The following EYA1 variants were observed in gnomAD, a reference collection of about 807,000 sequenced individuals.
EYA1 encodes protein phosphatase EYA1.
Under a neutral mutation model 82.0 loss-of-function variants are expected in EYA1, and 16 were observed. The ratio of observed to expected loss-of-function variants is 0.20; its 90% CI spans 0.13 to 0.30. EYA1 has a LOEUF of 0.30. Among genes scored for constraint, EYA1 ranks in the 10% least tolerant of loss-of-function variants. The probability of loss-of-function intolerance (pLI) is 1.00; values close to 1 mark genes in which losing one functional copy is unlikely to be tolerated. For missense variants in EYA1, 633 were observed against 730.7 expected, an observed-to-expected ratio of 0.87 and a Z score of 1.54; for synonymous variants, 261 against 264.4, an observed-to-expected ratio of 0.99 and a Z score of 0.12.
chr8:71,466,459 A>G (rs898159233), intron 2 of EYA1, among the ~76,000 whole-genome samples: 6 of 152,202 alleles, frequency 3.9e-5, no homozygotes, highest in Non-Finnish European at 8.8e-5. Context: ...AGTATTGTGC[A>G]TGCATATAGT....
chr8:71,508,056 C>T (rs1481805384), intron 2 of EYA1, among the ~76,000 whole-genome samples: 1 of 152,176 alleles, frequency 6.6e-6, no homozygotes, highest in Admixed American at 6.5e-5. Flanking sequence ...GGAAAAGTGC[C>T]TTCTGCTTAA....
intron 6 of EYA1, among the ~76,000 whole-genome samples, chr8:71,321,338 C>T (rs934340229): frequency 6.6e-6 from 1 of 152,138 alleles, no homozygotes; most frequent in Non-Finnish European, 1.5e-5. Context: ...TCTACTTGTA[C>T]GTTCCTAATC....
intron 9 of EYA1, among the ~76,000 whole-genome samples, chr8:71,298,599 G>A (rs1349922147): frequency 6.6e-6 from 1 of 152,128 alleles, no homozygotes; most frequent in African/African-American, 2.4e-5. Context: ...GCCACATGTG[G>A]GAAAGCAGAG....
chr8:71,372,079 G>A (rs1056743864), intron 2 of EYA1, among the ~76,000 whole-genome samples: 1 of 152,068 alleles, frequency 6.6e-6, no homozygotes, highest in African/African-American at 2.4e-5. Context: ...TAGGGCATGA[G>A]TTTTCGGATT....
intron 1 of EYA1, among the ~76,000 whole-genome samples, chr8:71,360,906 T>C (rs970902285): frequency 6.6e-6 from 1 of 152,100 alleles, no homozygotes; most frequent in Non-Finnish European, 1.5e-5. Context: ...TCCCAATAAA[T>C]ATAAACCCAT....
chr8:71,503,116 G>T (rs1811934687), intron 2 of EYA1, among the ~76,000 whole-genome samples: 2 of 151,866 alleles, frequency 1.3e-5, no homozygotes, highest in Non-Finnish European at 2.9e-5. Context: ...TCTAGCACAG[G>T]TCCTGACTTA....
At chr8:71,301,813 T>C (rs747162312) in intron 7 of EYA1, among the ~76,000 whole-genome samples, 5 of 152,142 alleles carry the variant, frequency 3.3e-5, no homozygotes, top group Non-Finnish European at 4.4e-5. Context: ...AAAGGAAACA[T>C]ATATTCAATG....
chr8:71,258,818 C>T (rs934538365), intron 11 of EYA1, among the ~76,000 whole-genome samples: 6 of 152,080 alleles, frequency 3.9e-5, no homozygotes, highest in Non-Finnish European at 7.4e-5. Context: ...GTTTTGAAGG[C>T]GGTATGTATT....
intron 9 of EYA1, among the ~76,000 whole-genome samples, chr8:71,294,754 G>C (rs1286619241): frequency 6.6e-6 from 1 of 152,112 alleles, no homozygotes; most frequent in Non-Finnish European, 1.5e-5. Flanking sequence ...AGATTATATG[G>C]AGAGATAAAA....
intron 9 of EYA1, among the ~76,000 whole-genome samples, chr8:71,274,962 G>A (rs1029892321): frequency 6.6e-6 from 1 of 152,270 alleles, no homozygotes; most frequent in African/African-American, 2.4e-5. Flanking sequence ...GTGAACAAGC[G>A]CAAGCGCGTG....
chr8:71,441,532 AAT>A (rs1806434486), intron 2 of EYA1, among the ~76,000 whole-genome samples: 1 of 152,220 alleles, frequency 6.6e-6, no homozygotes. Context: ...TACCAAGACT[AAT>A]GCTAGAATAG....
intron 2 of EYA1, among the ~76,000 whole-genome samples, chr8:71,497,794 C>T (rs890165770): frequency 3.3e-5 from 5 of 151,696 alleles, no homozygotes; most frequent in African/African-American, 9.7e-5. Flanking sequence ...TCACAATAGC[C>T]GAGTTATAAA....
rs1416067357 is a variant in EYA1, at chr8:71,321,945, AC to A, written c.273-67del. On this transcript the variant is annotated intron_variant, in intron 5 of 17. Coordinates refer to ENST00000340726, the MANE Select transcript of EYA1 (RefSeq NM_000503.6). The stretch of plus-strand genomic sequence containing the variant: ...TAGATGGAAACATGCAAACCGATTA[AC>A]AACCACATCACAAATTCCAGCTAAA... 4 of 1,591,274 alleles carry A rather than the reference AC, an allele frequency of 2.5e-6. No homozygotes were observed. The African/African-American group carries it at 5.4e-5, about 21-fold the overall frequency.
chr8:71,200,110 T>C (rs577027288), intron 17 of EYA1: 1 of 154,402 alleles, frequency 6.5e-6, no homozygotes, highest in East Asian at 1.9e-4. Context: ...AGGGTGAAAA[T>C]GTGATGAACT....
intron 2 of EYA1, among the ~76,000 whole-genome samples, chr8:71,408,907 CAACAGAATA>C (rs1404212427): frequency 9.1e-6 from 1 of 110,036 alleles, no homozygotes; most frequent in Non-Finnish European, 1.8e-5. Context: ...CACCCCAAAT[CAACAGAATA>C]TACATTTTTT....
At chr8:71,338,162 GA>G (rs2129050737) in intron 3 of EYA1, among the ~76,000 whole-genome samples, 1 of 152,250 alleles carries the variant, frequency 6.6e-6, no homozygotes, top group Admixed American at 6.5e-5. Context: ...AAAGTTAGAA[GA>G]ATCCGAAGTA....
chr8:71,251,517 T>G (rs1238924467), intron 11 of EYA1, among the ~76,000 whole-genome samples: 1 of 152,204 alleles, frequency 6.6e-6, no homozygotes, highest in East Asian at 1.9e-4. Context: ...TAAAGTGAAG[T>G]GAAGGAACTT....
At chr8:71,335,712 G>A (rs1263378499) in intron 3 of EYA1, among the ~76,000 whole-genome samples, 1 of 152,018 alleles carries the variant, frequency 6.6e-6, no homozygotes, top group Non-Finnish European at 1.5e-5. Flanking sequence ...CACTGCCATC[G>A]TTTCAGGAAA....
chr8:71,306,939 C>T (rs1308061048), intron 7 of EYA1, among the ~76,000 whole-genome samples: 1 of 152,206 alleles, frequency 6.6e-6, no homozygotes, highest in Non-Finnish European at 1.5e-5. Flanking sequence ...CCATGTCTGA[C>T]TCATGCCTTT....
Sources: allele counts gnomAD v4.1 joint callset (sites outside exome capture counted in the v4.1 genomes callset), GRCh38; gene constraint gnomAD v4.1.1; transcripts MANE v1.5; gene names NCBI Gene and HGNC (gene_info 2026-07-23, HGNC 2026-07-21).